ITFG1: variants seen among roughly 807,000 people sequenced by gnomAD.
The protein encoded by ITFG1 is integrin alpha FG-GAP repeat containing 1, also known as T-cell immunomodulatory protein.
In ITFG1, 34 loss-of-function variants were observed where a neutral mutation model predicts 81.8. That is an observed-to-expected ratio of 0.42 (90% confidence interval 0.32 to 0.55). The LOEUF (loss-of-function observed/expected upper bound fraction) is 0.55. Among genes scored for constraint, ITFG1 ranks in the 20% least tolerant of loss-of-function variants. The pLI is 0.17. For synonymous variants in ITFG1, 285 were observed against 270.6 expected (o/e 1.05, Z -0.52); for missense variants, 672 against 755.4 (o/e 0.89, Z 1.29).
chr16:47,394,294 C>G (rs747900323), intron 6 of ITFG1, among the ~76,000 whole-genome samples: 4 of 152,134 alleles, frequency 2.6e-5, no homozygotes, highest in Non-Finnish European at 5.9e-5. Flanking sequence ...ATCAGAATTA[C>G]TAAATCGATG....
chr16:47,395,429 T>C (rs1968581974), intron 6 of ITFG1, among the ~76,000 whole-genome samples: 1 of 152,228 alleles, frequency 6.6e-6, no homozygotes, highest in Admixed American at 6.5e-5. Context: ...ATTGTCATTC[T>C]GATTAAAACA....
At chr16:47,446,685 G>A (rs1437408840) in intron 5 of ITFG1, among the ~76,000 whole-genome samples, 1 of 151,986 alleles carries the variant, frequency 6.6e-6, no homozygotes. Context: ...GTATTTGTAA[G>A]GCATTTTCAA....
chr16:47,199,482 C>T (rs1965398905), intron 14 of ITFG1, among the ~76,000 whole-genome samples: 2 of 152,116 alleles, frequency 1.3e-5, no homozygotes, highest in South Asian at 4.1e-4. Flanking sequence ...TTTCACTGTA[C>T]CTTTTCTATG....
At chr16:47,195,665 TAATC>T (rs1965349000) in intron 14 of ITFG1, among the ~76,000 whole-genome samples, 1 of 152,240 alleles carries the variant, frequency 6.6e-6, no homozygotes, top group African/African-American at 2.4e-5. Context: ...CCTCATTTCT[TAATC>T]AATTTCCTCA....
chr16:47,382,435 T>A (rs1429439630), intron 6 of ITFG1, among the ~76,000 whole-genome samples: 1 of 152,172 alleles, frequency 6.6e-6, no homozygotes, highest in Non-Finnish European at 1.5e-5. Context: ...TAGACTTTCT[T>A]TCTATTTCCT....
chr16:47,405,390 T>A (rs1968715841), intron 6 of ITFG1, among the ~76,000 whole-genome samples: 1 of 152,206 alleles, frequency 6.6e-6, no homozygotes, highest in Non-Finnish European at 1.5e-5. Context: ...TTTTAGGCTG[T>A]TTATGAATAG....
chr16:47,398,808 G>A (rs558194751), intron 6 of ITFG1, among the ~76,000 whole-genome samples: 1 of 152,286 alleles, frequency 6.6e-6, no homozygotes, highest in South Asian at 2.1e-4. Context: ...ACGTTAAAGA[G>A]CTAATACTAT....
At chr16:47,357,410 C>T (rs988801056) in intron 8 of ITFG1, among the ~76,000 whole-genome samples, 1 of 151,774 alleles carries the variant, frequency 6.6e-6, no homozygotes, top group Non-Finnish European at 1.5e-5. Context: ...GTCAGGAGAT[C>T]GAGACCAACC....
chr16:47,271,598 G>A (rs758964875), intron 10 of ITFG1, among the ~76,000 whole-genome samples: 27 of 152,200 alleles, frequency 1.8e-4, no homozygotes, highest in Non-Finnish European at 2.8e-4. Flanking sequence ...ACTGGCTCAC[G>A]CCTGTGATCC....
At chr16:47,424,223 C>G (rs1463585809) in intron 6 of ITFG1, among the ~76,000 whole-genome samples, 2 of 152,168 alleles carry the variant, frequency 1.3e-5, no homozygotes, top group East Asian at 1.9e-4. Flanking sequence ...ATCGAATCAG[C>G]TATTGAAGCT....
intron 10 of ITFG1, among the ~76,000 whole-genome samples, chr16:47,267,195 A>G (rs1355992991): frequency 6.6e-6 from 1 of 152,234 alleles, no homozygotes; most frequent in Non-Finnish European, 1.5e-5. Flanking sequence ...AAGTGATTAT[A>G]TCTCAACAAA....
chr16:47,197,188 C>T lies in ITFG1; in HGVS notation c.1453+21680G>A, dbSNP rs528454497. 7.9e-5 allele frequency among the ~76,000 whole-genome samples: 12 copies of T among 152,296 alleles called. No homozygotes were observed. In the East Asian group the frequency reaches 1.7e-3, roughly 22 times the overall value. Reference sequence around the variant, plus strand: ...TTGCAGACAATCTCCAATTATGCAGCTAGGCTTTTCTCAGATCTAGGAGAG... The same window carrying T: ...TTGCAGACAATCTCCAATTATGCAGTTAGGCTTTTCTCAGATCTAGGAGAG... On this transcript the variant is annotated intron_variant, in intron 14 of 17. Transcript: ENST00000320640.
intron 4 of ITFG1, among the ~76,000 whole-genome samples, chr16:47,452,500 A>G (rs1969401987): frequency 6.6e-6 from 1 of 152,198 alleles, no homozygotes; most frequent in South Asian, 2.1e-4. Context: ...TAGATCCATA[A>G]TGGACACATT....
chr16:47,230,747 T>G (rs928641856), intron 13 of ITFG1, among the ~76,000 whole-genome samples: 10 of 152,188 alleles, frequency 6.6e-5, no homozygotes, highest in African/African-American at 2.4e-4. Context: ...AACTGACAAA[T>G]TGTTATTATT....
chr16:47,313,735 C>T lies in ITFG1; in HGVS notation c.891G>A (p.Met297Ile). The T allele has an allele frequency of 6.4e-7, 1 of 1,554,768 alleles. No individual in the cohort carries two copies. The change falls in exon 9 of 18, where the codon ATG becomes ATA. Residue 297 changes from methionine to isoleucine, a missense_variant. Around this residue, in one of 3 missense-constraint regions of ITFG1, gnomAD observed 560 missense variants for 625.7 expected, o/e 0.90. Transcript: ENST00000320640. ...TAAAAACAACTTGATATACCTGCTTCATCCCAGATCTCACTAAGTAGATGG... is the reference window on the plus strand; with the variant it reads ...TAAAAACAACTTGATATACCTGCTTTATCCCAGATCTCACTAAGTAGATGG... Reference protein sequence around the residue: ...KSTIYLVRSGMKQWVPVLQDF... With the variant: ...KSTIYLVRSGIKQWVPVLQDF...
chr16:47,322,621 C>T (rs571252216), intron 8 of ITFG1, among the ~76,000 whole-genome samples: 10 of 152,236 alleles, frequency 6.6e-5, no homozygotes, highest in Admixed American at 1.3e-4. Flanking sequence ...ACCCAGGAGA[C>T]GGAGGTTGCA....
chr16:47,209,762 A>G (rs2151523696), intron 14 of ITFG1, among the ~76,000 whole-genome samples: 1 of 152,298 alleles, frequency 6.6e-6, no homozygotes, highest in South Asian at 2.1e-4. Flanking sequence ...TCATTTCTAT[A>G]ACTTTTTTTC....
chr16:47,371,090 T>A (rs1567477459), intron 7 of ITFG1, among the ~76,000 whole-genome samples: 1 of 152,194 alleles, frequency 6.6e-6, no homozygotes, highest in Non-Finnish European at 1.5e-5. Flanking sequence ...GGGGCTTCTG[T>A]TGCAGTCATC....
intron 13 of ITFG1, among the ~76,000 whole-genome samples, chr16:47,230,078 T>C (rs1338111985): frequency 1.3e-5 from 2 of 152,124 alleles, no homozygotes; most frequent in Non-Finnish European, 2.9e-5. Flanking sequence ...TGCATAGGGT[T>C]CAGTACTATC....
Sources: gnomAD v4.1 joint callset for allele counts (sites outside exome capture counted in the v4.1 genomes callset) on GRCh38, gnomAD v4.1.1 for gene constraint, gnomAD v4.1.1 regional missense constraint, MANE v1.5 for transcripts, NCBI Gene and HGNC (gene_info 2026-07-23, HGNC 2026-07-21) for gene names.